Variants in NLRC4 observed in about 807,000 individuals in gnomAD.
NLRC4 encodes NLR family CARD domain-containing protein 4.
In NLRC4, 63 loss-of-function variants were observed where a neutral mutation model predicts 79.9. That is an observed-to-expected ratio of 0.79 (90% confidence interval 0.64 to 0.97). The LOEUF is 0.97. Ranked by LOEUF, NLRC4 falls within the 50% of genes least tolerant of loss-of-function variation. NLRC4 has a pLI of 0.00. For missense variants in NLRC4, 1,074 were observed against 1,215.2 expected (o/e 0.88, Z 1.73); for synonymous variants, 461 against 456.5 (o/e 1.01, Z -0.12).
At chr2:32,247,471 C>T (rs1017495087) in intron 4 of NLRC4, among the ~76,000 whole-genome samples, 13 of 151,376 alleles carry the variant, frequency 8.6e-5, no homozygotes, top group African/African-American at 1.2e-4. Context: ...TGTGCCACCA[C>T]GCCCGGCTAA....
chr2:32,225,450 C>T (rs1376957317), intron 8 of NLRC4, among the ~76,000 whole-genome samples: 2 of 149,594 alleles, frequency 1.3e-5, no homozygotes, highest in Non-Finnish European at 3.0e-5. Flanking sequence ...TGTGTGTATA[C>T]ATACACAAAT....
intron 5 of NLRC4, among the ~76,000 whole-genome samples, chr2:32,240,665 T>A (rs936443800): frequency 2.6e-5 from 4 of 152,228 alleles, no homozygotes; most frequent in Non-Finnish European, 4.4e-5. Flanking sequence ...TGAATTTTTT[T>A]AACTATGAAA....
chr2:32,244,650 A>G (rs1004532202), intron 4 of NLRC4, among the ~76,000 whole-genome samples: 1 of 152,164 alleles, frequency 6.6e-6, no homozygotes, highest in Non-Finnish European at 1.5e-5. Context: ...CAAGGAATCT[A>G]CAACACCCCC....
chr2:32,251,540 C>A lies in NLRC4; in HGVS notation c.324G>T (p.Leu108Phe). The A allele has an allele frequency of 6.2e-7, 1 of 1,613,382 alleles. No individual in the cohort carries two copies. The highest frequency in any genetic ancestry group is 8.5e-7 in the Non-Finnish European group (1 of 1,179,652). The change falls in exon 4 of 9, where the codon TTG becomes TTT. Residue 108 changes from leucine to phenylalanine, a missense_variant. Coordinates refer to ENST00000402280, the MANE Select transcript of NLRC4 (RefSeq NM_001199138.2). The part of the protein sequence containing the change: ...LDDLAQDLKD[L>F]YHTPSFLNFY... ...AGTTCAGAAAAGATGGGGTATGGTA[C>A]AAGTCCTTTAAATCCTGAGCCAAAT...
At chr2:32,246,496 G>A (rs1686940972) in intron 4 of NLRC4, among the ~76,000 whole-genome samples, 1 of 152,240 alleles carries the variant, frequency 6.6e-6, no homozygotes, top group Non-Finnish European at 1.5e-5. Context: ...GCAAGGCAGA[G>A]CTGGGTGGGA....
At chr2:32,245,510 G>T (rs1199742260) in intron 4 of NLRC4, among the ~76,000 whole-genome samples, 1 of 151,878 alleles carries the variant, frequency 6.6e-6, no homozygotes, top group Non-Finnish European at 1.5e-5. Flanking sequence ...ATGGTTAATG[G>T]ATACAAAAAA....
At chr2:32,242,002 AAAGAT>A (rs1686816340) in intron 4 of NLRC4, among the ~76,000 whole-genome samples, 1 of 152,162 alleles carries the variant, frequency 6.6e-6, no homozygotes, top group African/African-American at 2.4e-5. Flanking sequence ...AGAAAATAAT[AAAGAT>A]AAGGGTGCAA....
chr2:32,238,850 A>G (rs1356206095), intron 5 of NLRC4, among the ~76,000 whole-genome samples: 2 of 152,216 alleles, frequency 1.3e-5, no homozygotes. Flanking sequence ...TATCAACAGT[A>G]TAATTGGAAA....
chr2:32,248,747 CAG>C (rs1686996743), intron 4 of NLRC4, among the ~76,000 whole-genome samples: 1 of 150,786 alleles, frequency 6.6e-6, no homozygotes, highest in African/African-American at 2.4e-5. Context: ...ACCTGGGTGA[CAG>C]AGCAAGACCC....
At position 32,250,121 on chromosome 2, in the gene NLRC4, A is replaced by G. The variant is rs1410907944; in HGVS notation, c.1743T>C (p.Gly581=). The change falls in exon 4 of 9, where the codon GGT becomes GGC. Residue 581 remains glycine, a synonymous_variant. Coordinates refer to ENST00000402280, the MANE Select transcript of NLRC4 (RefSeq NM_001199138.2). The surrounding 1 kb of genome is among the most constrained non-coding windows in gnomAD (Gnocchi z 4.9). ...LSQEFEAFFQ[G]KSLYINSGNI... ...TCCCTGAGTTGATATATAAGCTTTT[A>G]CCTTGAAAGAAAGCTTCAAATTCTT... 1.2e-6 allele frequency: 2 copies of G among 1,614,068 alleles called. No homozygotes were observed. The highest frequency in any genetic ancestry group is 2.7e-5 in the African/African-American group (2 of 74,930).
chr2:32,257,305 C>T (rs1056471544), intron 1 of NLRC4, among the ~76,000 whole-genome samples: 1 of 152,112 alleles, frequency 6.6e-6, no homozygotes, highest in Non-Finnish European at 1.5e-5. Context: ...GCACATGAAC[C>T]AGGTCTTAAA....
rs376182297 is a variant in NLRC4, at chr2:32,228,519, CTG to C, written c.2783-3756_2783-3755del. Among the ~76,000 whole-genome samples, 107 of 152,276 alleles carry C rather than the reference CTG, an allele frequency of 7.0e-4. 1 individual carries two copies. In the East Asian group the frequency reaches 0.017, roughly 24 times the overall value. On this transcript the variant is annotated intron_variant, in intron 8 of 8. Transcript: ENST00000402280. ...TGACAACAGCCTCCCACAAGGAAGA[CTG>C]AGACTAAAAGCCAAAACAACTCCCA...
intron 4 of NLRC4, among the ~76,000 whole-genome samples, chr2:32,242,609 C>T (rs1481072827): frequency 1.3e-5 from 2 of 152,186 alleles, no homozygotes; most frequent in Non-Finnish European, 2.9e-5. Context: ...TATCAACTGT[C>T]TTCATATCTA....
intron 1 of NLRC4, among the ~76,000 whole-genome samples, chr2:32,263,925 T>C (rs1687408065): frequency 6.6e-6 from 1 of 152,202 alleles, no homozygotes; most frequent in Non-Finnish European, 1.5e-5. Context: ...TACCACATTT[T>C]CCACCTCTCA....
intron 1 of NLRC4, among the ~76,000 whole-genome samples, chr2:32,259,042 T>C (rs1024511715): frequency 6.6e-6 from 1 of 151,738 alleles, no homozygotes; most frequent in Non-Finnish European, 1.5e-5. Flanking sequence ...GTGAATGGAG[T>C]TGGCTTGGGA....
intron 4 of NLRC4, among the ~76,000 whole-genome samples, chr2:32,244,552 A>G (rs1055060464): frequency 6.6e-6 from 1 of 152,108 alleles, no homozygotes. Context: ...GGCAAAAAAA[A>G]AAAATAAATA....
In NLRC4 at chr2:32,241,889, T is replaced by C. The variant is rs79079040; in HGVS notation, c.2258-764A>G. Among the ~76,000 whole-genome samples the C allele has an allele frequency of 6.7e-3, 1,023 of 152,132 alleles. 16 individuals are homozygous for C. The highest frequency in any genetic ancestry group is 0.024 in the African/African-American group (987 of 41,498). ...ACAGTGCTTACAGGGACATTTACAG[T>C]ATTGCATACTTATATTAGAAATGAG... On this transcript the variant is annotated intron_variant, in intron 4 of 8. Transcript: ENST00000402280.
At position 32,240,012 on chromosome 2, in the gene NLRC4, T is replaced by C. The variant is rs1471290690; in HGVS notation, c.2350+1021A>G. ...TGTTTTTGTTTCAAGATGGAGTCTATCTCTGTCACCGAGGCTGGAGTGCAG... is the reference window on the plus strand; with the variant it reads ...TGTTTTTGTTTCAAGATGGAGTCTACCTCTGTCACCGAGGCTGGAGTGCAG... On this transcript the variant is annotated intron_variant, in intron 5 of 8. Transcript: ENST00000402280. 5.3e-5 allele frequency among the ~76,000 whole-genome samples: 8 copies of C among 152,132 alleles called. No individual in the cohort carries two copies. The East Asian group carries it at 1.3e-3, about 26-fold the overall frequency.
chr2:32,263,502 C>T (rs1687399546), intron 1 of NLRC4, among the ~76,000 whole-genome samples: 1 of 152,218 alleles, frequency 6.6e-6, no homozygotes, highest in Non-Finnish European at 1.5e-5. Flanking sequence ...ATGTGCTGAA[C>T]TGGGCTTCCC....
Sources: allele counts gnomAD v4.1 joint callset (sites outside exome capture counted in the v4.1 genomes callset), GRCh38; gene constraint gnomAD v4.1.1; non-coding constraint Gnocchi (gnomAD v3.1); transcripts MANE v1.5; gene names NCBI Gene and HGNC (gene_info 2026-07-23, HGNC 2026-07-21).